Variants in PANX2 observed in about 807,000 individuals in gnomAD.
The protein encoded by PANX2 is pannexin 2, also known as pannexin-2.
Under a neutral mutation model 38.7 loss-of-function variants are expected in PANX2, and 30 were observed. That is an observed-to-expected ratio of 0.78 (90% CI 0.58 to 1.05). The LOEUF is 1.05. PANX2 is among the 50% of genes least tolerant of loss of function. The probability of loss-of-function intolerance (pLI) is 0.00; values close to 1 mark genes in which losing one functional copy is unlikely to be tolerated. For synonymous variants in PANX2, 539 were observed against 472.1 expected (o/e 1.14, Z -1.84); for missense variants, 880 against 979.3 (o/e 0.90, Z 1.35).
At chr22:50,174,750 G>C (rs1165533175) in intron 1 of PANX2, among the ~76,000 whole-genome samples, 1 of 152,226 alleles carries the variant, frequency 6.6e-6, no homozygotes, top group African/African-American at 2.4e-5. Flanking sequence ...ACCCGTAGCA[G>C]TCGCTGCGTG....
At position 50,178,151 on chromosome 22, in the gene PANX2, C is replaced by G. The variant is rs1452580736; in HGVS notation, c.1439C>G (p.Ser480Cys). Residue 480 changes from serine (S) to cysteine (C), a missense_variant, in exon 2 of 3, where the codon TCC becomes TGC. Coordinates refer to ENST00000395842, the MANE Select transcript of PANX2 (RefSeq NM_052839.4). ...CTGATCGCGCCGCTGCTGGACCGCTCCGCCCACCACTACAAGGGCGGAGGG... is the reference window on the plus strand; with the variant it reads ...CTGATCGCGCCGCTGCTGGACCGCTGCGCCCACCACTACAAGGGCGGAGGG... Reference protein sequence around the residue: ...DTLIAPLLDRSAHHYKGGGGD... With the variant: ...DTLIAPLLDRCAHHYKGGGGD... The G allele has an allele frequency of 6.6e-7, 1 of 1,518,326 alleles. No individual in the cohort carries two copies. Among genetic ancestry groups the G allele is most frequent in the Non-Finnish European group, 8.8e-7 (1 of 1,141,056 alleles). 94.1% of individuals were successfully genotyped at this position (1,518,326 alleles called of 1,614,324 possible).
At chr22:50,173,600 G>A (rs2063646482) in intron 1 of PANX2, among the ~76,000 whole-genome samples, 1 of 152,252 alleles carries the variant, frequency 6.6e-6, no homozygotes, top group Non-Finnish European at 1.5e-5. Flanking sequence ...TGCAGAGAGT[G>A]GAGAATGTAG....
In PANX2 at chr22:50,171,541, A is replaced by T. The variant is rs528017273; in HGVS notation, c.226+585A>T. Among the ~76,000 whole-genome samples the T allele has an allele frequency of 2.6e-5, 4 of 152,308 alleles. No homozygotes were observed. The South Asian group carries it at 8.3e-4, about 32-fold the overall frequency. On this transcript the variant is annotated intron_variant, in intron 1 of 2. Transcript: ENST00000395842. ...ATGGGGCAGGGCCACGTGTCAGAGC[A>T]GGGAGCCTGGAGCTCCTGCAGGGAG...
At chr22:50,172,375 G>A (rs1164413735) in intron 1 of PANX2, among the ~76,000 whole-genome samples, 9 of 152,248 alleles carry the variant, frequency 5.9e-5, no homozygotes, top group Non-Finnish European at 1.0e-4. Flanking sequence ...GCTCGTGGCC[G>A]TGCCACCAGT....
At chr22:50,176,797 G>A (rs1284379154) in intron 1 of PANX2, 142 bp from the exon 2 acceptor site, 1 of 889,192 alleles carries the variant, frequency 1.1e-6, no homozygotes, top group Non-Finnish European at 1.6e-6. Context: ...GGTTCATCTG[G>A]GCAACCGCAG....
At chr22:50,171,825 C>T (rs2063633948) in intron 1 of PANX2, among the ~76,000 whole-genome samples, 1 of 152,098 alleles carries the variant, frequency 6.6e-6, no homozygotes, top group Admixed American at 6.5e-5. Flanking sequence ...AGGTACTAGT[C>T]TGCAGCGGGG....
At chr22:50,173,547 G>A (rs2063646076) in intron 1 of PANX2, among the ~76,000 whole-genome samples, 1 of 152,258 alleles carries the variant, frequency 6.6e-6, no homozygotes, top group South Asian at 2.1e-4. Flanking sequence ...AAGTCCCAGG[G>A]TCTCCAAGGT....
At chr22:50,173,559 G>A (rs2063646139) in intron 1 of PANX2, among the ~76,000 whole-genome samples, 1 of 152,264 alleles carries the variant, frequency 6.6e-6, no homozygotes, top group South Asian at 2.1e-4. Flanking sequence ...CTCCAAGGTG[G>A]GCTGGGGAAG....
At chr22:50,173,276 G>T (rs564727767) in intron 1 of PANX2, among the ~76,000 whole-genome samples, 2 of 152,190 alleles carry the variant, frequency 1.3e-5, no homozygotes, top group Non-Finnish European at 2.9e-5. Flanking sequence ...CAGGTGATCC[G>T]CCCGCCTCGG....
chr22:50,174,556 G>A (rs373583079), intron 1 of PANX2, among the ~76,000 whole-genome samples: 7 of 152,214 alleles, frequency 4.6e-5, no homozygotes, highest in East Asian at 1.9e-4. Flanking sequence ...GTGTCCTCTC[G>A]GGGCATAGCT....
intron 1 of PANX2, among the ~76,000 whole-genome samples, chr22:50,172,700 C>T (rs1302837506): frequency 6.6e-6 from 1 of 151,376 alleles, no homozygotes; most frequent in Non-Finnish European, 1.5e-5. Context: ...CCACTGTGCC[C>T]TTTTCTCTTC....
Position 50,179,212 on chromosome 22 carries a change from C to G in PANX2, c.1969C>G (p.Pro657Ala). 1 of 1,612,744 alleles carries G rather than the reference C, an allele frequency of 6.2e-7. No homozygotes were observed. Among genetic ancestry groups the G allele is most frequent in the Non-Finnish European group, 8.5e-7 (1 of 1,179,902 alleles). Residue 657 changes from proline to alanine, a missense_variant, in exon 3 of 3, where the codon CCA becomes GCA. By Grantham distance (27) the Pro-to-Ala change is conservative (BLOSUM62 -1). Transcript: ENST00000395842. ...DVGDLIAIPA[P>A]QQILIATFDE... is the part of the protein sequence containing the mutation. ...GGGGGACCTCATCGCCATCCCTGCC[C>G]CACAGCAGATCCTCATCGCCACCTT... is the stretch of plus-strand genomic sequence containing the variant.
intron 1 of PANX2, among the ~76,000 whole-genome samples, chr22:50,175,189 C>T (rs779316792): frequency 2.0e-5 from 3 of 152,146 alleles, no homozygotes; most frequent in Non-Finnish European, 2.9e-5. Flanking sequence ...GGGGGCAGCT[C>T]GCCAGACACG....
Position 50,176,964 on chromosome 22 carries a change from G to A in PANX2, c.252G>A (p.Pro84=), listed in dbSNP as rs775516298. ...AGGAACCCATTTACTGTTACACCCC[G>A]CACAACTTCACGCGCGACCAGGCGC... ...FAEEPIYCYT[P]HNFTRDQALY... The change falls in exon 2 of 3, where the codon CCG becomes CCA. Residue 84 remains proline, a synonymous_variant. Coordinates refer to ENST00000395842, the MANE Select transcript of PANX2 (RefSeq NM_052839.4). The A allele has an allele frequency of 7.7e-6, 12 of 1,556,214 alleles. No individual in the cohort carries two copies. The highest frequency in any genetic ancestry group is 7.8e-6 in the Non-Finnish European group (9 of 1,159,106).
chr22:50,179,321 C>G lies in PANX2; in HGVS notation c.*44C>G, dbSNP rs768254972. ...CCGCCGAGAGCCCCTCTGCCTGTGT[C>G]GTGTGGCCTGGCCAGCCTCCCGGTG... On this transcript the variant is annotated 3_prime_UTR_variant, in exon 3 of 3. Coordinates refer to ENST00000395842, the MANE Select transcript of PANX2 (RefSeq NM_052839.4). 4 of 1,551,388 alleles carry G rather than the reference C, an allele frequency of 2.6e-6. No individual in the cohort carries two copies. In the South Asian group the frequency reaches 4.6e-5, roughly 18 times the overall value.
chr22:50,175,154 G>A (rs959112006), intron 1 of PANX2, among the ~76,000 whole-genome samples: 6 of 152,188 alleles, frequency 3.9e-5, no homozygotes, highest in African/African-American at 9.6e-5. Flanking sequence ...TGAGGAGTTC[G>A]GGTCCAAGTG....
At chr22:50,174,657 T>G (rs1422060485) in intron 1 of PANX2, among the ~76,000 whole-genome samples, 6 of 152,206 alleles carry the variant, frequency 3.9e-5, no homozygotes, top group Admixed American at 3.9e-4. Context: ...CAGGCCTTCC[T>G]GCCTTCCGTT....
intron 1 of PANX2, among the ~76,000 whole-genome samples, chr22:50,176,271 C>T (rs1210063896): frequency 1.3e-5 from 2 of 152,262 alleles, no homozygotes; most frequent in Non-Finnish European, 2.9e-5. Flanking sequence ...CATTTGCCTG[C>T]AGTTCAAGGG....
At chr22:50,178,437 T>G (rs1316622633) in intron 2 of PANX2, 35 bp downstream of exon 2, 10 of 1,123,692 alleles carry the variant, frequency 8.9e-6, no homozygotes, top group South Asian at 1.9e-5. Context: ...GACGGGGGAC[T>G]GGGGGTGGGA....
Sources: allele counts gnomAD v4.1 joint callset (sites outside exome capture counted in the v4.1 genomes callset), GRCh38; gene constraint gnomAD v4.1.1; transcripts MANE v1.5; gene names NCBI Gene and HGNC (gene_info 2026-07-23, HGNC 2026-07-21).